DYSF: variants seen among roughly 807,000 people sequenced by gnomAD.
DYSF encodes dystrophy-associated fer-1-like 1.
A neutral mutation model predicts 274.9 loss-of-function variants in DYSF; 212 were observed. The observed-to-expected ratio is 0.77, with a 90% CI of 0.69 to 0.86. The LOEUF (loss-of-function observed/expected upper bound fraction) is 0.86. Ranked by LOEUF, DYSF falls within the 40% of genes least tolerant of loss-of-function variation. DYSF has a pLI of 0.00. For missense variants in DYSF, 2,666 were observed against 2,783.2 expected, an observed-to-expected ratio of 0.96 and a Z score of 0.95; for synonymous variants, 1,091 against 1,078.7, an observed-to-expected ratio of 1.01 and a Z score of -0.22.
chr2:71,652,973 T>C (rs979241796), intron 42 of DYSF, among the ~76,000 whole-genome samples: 17 of 152,230 alleles, frequency 1.1e-4, no homozygotes, highest in African/African-American at 3.9e-4. Context: ...CCAAATTGAA[T>C]TGAGTGTTGA....
At chr2:71,547,232 G>A (rs773754687) in intron 17 of DYSF, among the ~76,000 whole-genome samples, 14 of 152,218 alleles carry the variant, frequency 9.2e-5, no homozygotes, top group Non-Finnish European at 1.3e-4. Context: ...CAGAGACTGC[G>A]ATCCGCCCCC....
chr2:71,669,337 G>C (rs1377428947), intron 50 of DYSF, 130 bp downstream of exon 50: 1 of 930,258 alleles, frequency 1.1e-6, no homozygotes, highest in Non-Finnish European at 1.7e-6. Context: ...AGGGCTCCTG[G>C]GGGTGGTCCC....
chr2:71,486,063 G>A (rs1332124008), intron 3 of DYSF, among the ~76,000 whole-genome samples: 4 of 152,146 alleles, frequency 2.6e-5, no homozygotes, highest in African/African-American at 4.8e-5. Flanking sequence ...GGACTCAAGG[G>A]TTAGGTGGCT....
intron 47 of DYSF, 113 bp downstream of exon 47, chr2:71,665,417 G>A: frequency 7.1e-6 from 10 of 1,407,042 alleles, no homozygotes; most frequent in Non-Finnish European, 9.9e-6. Context: ...ACAGCAGCAG[G>A]CTGTGGGTCT....
chr2:71,641,327 C>T (rs1042882174), intron 41 of DYSF, among the ~76,000 whole-genome samples: 87 of 151,496 alleles, frequency 5.7e-4, no homozygotes, highest in African/African-American at 1.9e-3. Context: ...TACAGGCGCC[C>T]GCCACCACGC....
intron 22 of DYSF, among the ~76,000 whole-genome samples, chr2:71,558,828 A>G (rs950876550): frequency 2.6e-5 from 4 of 152,100 alleles, no homozygotes; most frequent in Admixed American, 6.5e-5. Flanking sequence ...CTGGGGGGGA[A>G]TTCCAGGCAG....
chr2:71,571,918 A>G, intron 29 of DYSF, among the ~76,000 whole-genome samples: 1 of 146,630 alleles, frequency 6.8e-6, no homozygotes, highest in Non-Finnish European at 1.5e-5. Context: ...GATCACACCC[A>G]GCACATGCAC....
intron 24 of DYSF, among the ~76,000 whole-genome samples, chr2:71,566,407 C>T (rs1396645934): frequency 1.3e-5 from 2 of 151,350 alleles, no homozygotes; most frequent in Non-Finnish European, 2.9e-5. Flanking sequence ...AAGTCTTCCC[C>T]ACTGAGTTTA....
chr2:71,593,978 T>G (rs922986612), intron 32 of DYSF, among the ~76,000 whole-genome samples: 4 of 152,182 alleles, frequency 2.6e-5, no homozygotes, highest in African/African-American at 9.7e-5. Context: ...GGTGAGTACC[T>G]CTCAAGAAAG....
Position 71,593,000 on chromosome 2 carries a change from G to A in DYSF, c.3574+2712G>A, listed in dbSNP as rs564952576. ...TTAGGTGGGGTTTGAGTGTATGGCT[G>A]GGATATCAATTCTCTGGACCAGTGG... On this transcript the variant is annotated intron_variant, in intron 32 of 55. Coordinates refer to ENST00000410020, the MANE Select transcript of DYSF (RefSeq NM_001130987.2). Among the ~76,000 whole-genome samples the A allele has an allele frequency of 2.0e-5, 3 of 152,248 alleles. No homozygotes were observed. In the South Asian group the frequency reaches 6.2e-4, roughly 32 times the overall value.
At chr2:71,544,083 A>G (rs1447088300) in intron 17 of DYSF, among the ~76,000 whole-genome samples, 1 of 152,238 alleles carries the variant, frequency 6.6e-6, no homozygotes, top group Non-Finnish European at 1.5e-5. Flanking sequence ...TTGTTCCACA[A>G]AAACTACATC....
At chr2:71,618,436 T>TAGAGGTGGGGG (rs2093986626) in intron 40 of DYSF, among the ~76,000 whole-genome samples, 1 of 106,462 alleles carries the variant, frequency 9.4e-6, no homozygotes, top group African/African-American at 3.9e-5. Context: ...AGAGGTGGGG[T>TAGAGGTGGGGG]GTGTGTGGTA....
At chr2:71,511,661 G>T (rs1468733199) in intron 4 of DYSF, 146 bp from the exon 5 acceptor site, 1 of 697,036 alleles carries the variant, frequency 1.4e-6, no homozygotes, top group South Asian at 1.5e-5. Flanking sequence ...GGTCCCTTGG[G>T]GTGGCTTTGC....
rs775652518 is a variant in DYSF at position 71,454,137 on chromosome 2, G to C, written c.88+51G>C. On this transcript the variant is annotated intron_variant, in intron 1 of 54. Transcript: ENST00000258104. ...CGGGGTCGGGGTGGGGTAGAGGAGG[G>C]GACGCCGCGGCTCTCAACCCTGGAG... 5.8e-6 allele frequency: 9 copies of C among 1,556,734 alleles called. No homozygotes were observed. In the South Asian group the frequency reaches 8.0e-5, roughly 14 times the overall value.
intron 30 of DYSF, among the ~76,000 whole-genome samples, chr2:71,585,886 T>C (rs1574175149): frequency 6.6e-6 from 1 of 151,768 alleles, no homozygotes; most frequent in Non-Finnish European, 1.5e-5. Context: ...CCAGGAGGGG[T>C]ACCTAACACA....
intron 41 of DYSF, among the ~76,000 whole-genome samples, chr2:71,622,130 G>GTGTTTTTTTTTT (rs775688599): frequency 8.2e-5 from 8 of 97,004 alleles, no homozygotes; most frequent in African/African-American, 3.1e-4. Flanking sequence ...TGATTTCTTT[G>GTGTTTTTTTTTT]TTTTTTTTTT....
rs572397368 is a variant in DYSF, at chr2:71,617,767, T to C, written c.4465-2780T>C. ...GTGTATGTGGGGTAGAGGTGGTGTG[T>C]GTGGTAGAGGTGGTGTGTGTGTGGT... On this transcript the variant is annotated intron_variant, in intron 40 of 55. Coordinates refer to ENST00000410020, the MANE Select transcript of DYSF (RefSeq NM_001130987.2). Among the ~76,000 whole-genome samples, 259 of 124,748 alleles carry C rather than the reference T, an allele frequency of 2.1e-3. 1 individual carries two copies. Among genetic ancestry groups the C allele is most frequent in the African/African-American group, 9.0e-3 (253 of 27,966 alleles). The allele number at this position is 124,748 out of a possible 152,430, so 81.8% of individuals were successfully genotyped here. A position where few individuals can be genotyped will look rare whatever the true frequency, so the allele number is the denominator to read the frequency against.
chr2:71,500,973 C>G (rs1399292034), intron 3 of DYSF, among the ~76,000 whole-genome samples: 1 of 152,140 alleles, frequency 6.6e-6, no homozygotes, highest in Non-Finnish European at 1.5e-5. Context: ...CATGCATCCT[C>G]TATACCTACT....
In DYSF at chr2:71,556,145, GT is replaced by G. The variant is rs905211853; in HGVS notation, c.2216+75del. 35 of 1,277,512 alleles carry G rather than the reference GT, an allele frequency of 2.7e-5. No homozygotes were observed. In the Middle Eastern group the frequency reaches 1.3e-3, roughly 48 times the overall value. The allele number at this position is 1,277,512 out of a possible 1,614,324, so 79.1% of individuals were successfully genotyped here. A position where few individuals can be genotyped will look rare whatever the true frequency, so the allele number is the denominator to read the frequency against. On this transcript the variant is annotated intron_variant, in intron 22 of 55. Coordinates refer to ENST00000410020, the MANE Select transcript of DYSF (RefSeq NM_001130987.2). ...GGCCTGTTTCGCTGGGAGTGCTCGT[GT>G]GTGGCAGTGAGCAGTGGCACGTCTC...
Sources: gnomAD v4.1 joint callset for allele counts (sites outside exome capture counted in the v4.1 genomes callset) on GRCh38, gnomAD v4.1.1 for gene constraint, MANE v1.5 for transcripts, NCBI Gene and HGNC (gene_info 2026-07-23, HGNC 2026-07-21) for gene names.